PIGL: variants seen among roughly 807,000 people sequenced by gnomAD.
PIGL encodes the protein phosphatidylinositol glycan anchor biosynthesis class L.
Under a neutral mutation model 31.1 loss-of-function variants are expected in PIGL, and 22 were observed. The ratio of observed to expected loss-of-function variants is 0.71; its 90% CI spans 0.51 to 1.01. PIGL has a LOEUF of 1.01. Ranked by LOEUF, PIGL falls within the 50% of genes least tolerant of loss-of-function variation. PIGL has a pLI of 0.00. For synonymous variants in PIGL, 131 were observed against 117.4 expected (o/e 1.12, Z -0.75); for missense variants, 302 against 315.9 (o/e 0.96, Z 0.33).
intron 2 of PIGL, among the ~76,000 whole-genome samples, chr17:16,272,605 G>A (rs148206441): frequency 1.5e-4 from 23 of 152,144 alleles, no homozygotes; most frequent in African/African-American, 2.2e-4. Flanking sequence ...CTGGCTCATC[G>A]TCCTACTACT....
At chr17:16,269,438 A>G (rs12150564) in intron 2 of PIGL, among the ~76,000 whole-genome samples, 60,041 of 152,036 alleles carry the variant, frequency 0.39, 13,175 homozygotes, top group Middle Eastern at 0.51. Flanking sequence ...ATCTGCAGTC[A>G]GGAGTTCGAG....
intron 3 of PIGL, among the ~76,000 whole-genome samples, chr17:16,302,427 A>G (rs1328506805): frequency 4.6e-5 from 7 of 152,050 alleles, no homozygotes; most frequent in Non-Finnish European, 1.0e-4. Flanking sequence ...CGATATGTAG[A>G]CAGAGCTGAG....
chr17:16,280,330 G>A (rs1234274261), intron 2 of PIGL, among the ~76,000 whole-genome samples: 2 of 152,176 alleles, frequency 1.3e-5, no homozygotes, highest in Admixed American at 1.3e-4. Context: ...TGATTGCCTG[G>A]AGAATGCCAG....
intron 2 of PIGL, among the ~76,000 whole-genome samples, chr17:16,243,859 T>C (rs952164522): frequency 9.9e-5 from 15 of 152,196 alleles, no homozygotes; most frequent in African/African-American, 3.4e-4. Flanking sequence ...AAAGAGTAAT[T>C]CACGCAGAGC....
chr17:16,275,071 G>T (rs2092889139), intron 2 of PIGL, among the ~76,000 whole-genome samples: 1 of 151,726 alleles, frequency 6.6e-6, no homozygotes, highest in South Asian at 2.1e-4. Context: ...AAGGAATAAA[G>T]AATGGCTGTT....
intron 2 of PIGL, among the ~76,000 whole-genome samples, chr17:16,237,020 C>T (rs947964879): frequency 1.3e-5 from 2 of 151,760 alleles, no homozygotes; most frequent in African/African-American, 4.8e-5. Context: ...TCACTGTAGC[C>T]TTGAACTCCT....
chr17:16,285,912 C>T lies in PIGL; in HGVS notation c.336-13976C>T, dbSNP rs2092935463. Among the ~76,000 whole-genome samples, 3 of 152,222 alleles carry T rather than the reference C, an allele frequency of 2.0e-5. No individual in the cohort carries two copies. In the South Asian group the frequency reaches 6.2e-4, roughly 31 times the overall value. On this transcript the variant is annotated intron_variant, in intron 2 of 6. Coordinates refer to ENST00000225609, the MANE Select transcript of PIGL (RefSeq NM_004278.4). ...AGCTTAGACTTCATTTCTTCACACT[C>T]CTGTATTTGGAGCAGCGACGCTAGT...
At chr17:16,221,629 T>G (rs2092629753) in intron 1 of PIGL, among the ~76,000 whole-genome samples, 1 of 151,872 alleles carries the variant, frequency 6.6e-6, no homozygotes, top group South Asian at 2.1e-4. Context: ...TTTGTTTTTG[T>G]TTTTGTTTTG....
At chr17:16,280,113 G>A (rs2092910494) in intron 2 of PIGL, among the ~76,000 whole-genome samples, 1 of 152,226 alleles carries the variant, frequency 6.6e-6, no homozygotes, top group Non-Finnish European at 1.5e-5. Context: ...AGAGCTTGAT[G>A]TACACACAGA....
chr17:16,259,707 T>C (rs1206149358), intron 2 of PIGL, among the ~76,000 whole-genome samples: 2 of 152,212 alleles, frequency 1.3e-5, no homozygotes, highest in Non-Finnish European at 2.9e-5. Context: ...GAGTGGTGGC[T>C]ACTGCCATGA....
chr17:16,273,536 G>A (rs896885845), intron 2 of PIGL, among the ~76,000 whole-genome samples: 9 of 152,142 alleles, frequency 5.9e-5, no homozygotes, highest in African/African-American at 2.2e-4. Context: ...CTTGGGAAGG[G>A]GGCTCCAGAC....
chr17:16,314,878 G>A (rs1040531193), intron 4 of PIGL, among the ~76,000 whole-genome samples: 1 of 152,150 alleles, frequency 6.6e-6, no homozygotes, highest in Non-Finnish European at 1.5e-5. Flanking sequence ...GACTAGCATG[G>A]ACAGCAAGCC....
In PIGL at chr17:16,326,049, C is replaced by T; in HGVS notation, c.*151C>T. 1 of 594,556 alleles carries T rather than the reference C, an allele frequency of 1.7e-6. No individual in the cohort carries two copies. 36.8% of individuals were successfully genotyped at this position (594,556 alleles called of 1,614,324 possible). On this transcript the variant is annotated 3_prime_UTR_variant, in exon 7 of 7. Transcript: ENST00000225609. ...AAAGGGAGCCCATGTAGGCCAGGGG[C>T]TGTCCAAACTCCAGCTTCTTCCCCT... is the stretch of plus-strand genomic sequence containing the variant.
rs547410744 is a variant in PIGL, at chr17:16,245,795, C to T, written c.335+11725C>T. On this transcript the variant is annotated intron_variant, in intron 2 of 6. Transcript: ENST00000225609. ...ACACACACACATATATATATATATA[C>T]ACACACACACATATATATATATATA... 2.0e-4 allele frequency among the ~76,000 whole-genome samples: 27 copies of T among 134,284 alleles called. 1 individual carries two copies. The highest frequency in any genetic ancestry group is 1.4e-3 in the Admixed American group (19 of 13,532). The allele number at this position is 134,284 out of a possible 152,430, so 88.1% of individuals were successfully genotyped here. A position where few individuals can be genotyped will look rare whatever the true frequency, so the allele number is the denominator to read the frequency against.
chr17:16,257,957 G>A (rs942475104), intron 2 of PIGL, among the ~76,000 whole-genome samples: 1 of 151,040 alleles, frequency 6.6e-6, no homozygotes, highest in Non-Finnish European at 1.5e-5. Flanking sequence ...CAGCTACTTG[G>A]GAGGTTGAGG....
intron 4 of PIGL, among the ~76,000 whole-genome samples, chr17:16,315,663 G>C (rs1277420357): frequency 6.8e-6 from 1 of 147,290 alleles, no homozygotes; most frequent in Non-Finnish European, 1.5e-5. Context: ...CAGGATCCCA[G>C]AAAGTTTTTT....
Position 16,264,870 on chromosome 17 carries a change from G to A in PIGL, c.335+30800G>A, listed in dbSNP as rs148696604. ...TGGAACTCCTGACCTCAGGTGACCCGCCCTCCTCTGCCTCCCAAAGTGCTG... is the reference window on the plus strand; with the variant it reads ...TGGAACTCCTGACCTCAGGTGACCCACCCTCCTCTGCCTCCCAAAGTGCTG... On this transcript the variant is annotated intron_variant, in intron 2 of 6. Transcript: ENST00000225609. Among the ~76,000 whole-genome samples the A allele has an allele frequency of 5.7e-3, 873 of 151,840 alleles. 13 individuals are homozygous for A. The highest frequency in any genetic ancestry group is 0.019 in the African/African-American group (790 of 41,402).
chr17:16,325,332 C>CAAAAAAA (rs55958956), intron 6 of PIGL, among the ~76,000 whole-genome samples: 2 of 69,278 alleles, frequency 2.9e-5, no homozygotes, highest in Non-Finnish European at 5.4e-5. Context: ...GCAACAGGCT[C>CAAAAAAA]AAAAAAAAAA....
At chr17:16,259,047 T>G (rs746512817) in intron 2 of PIGL, among the ~76,000 whole-genome samples, 1 of 152,226 alleles carries the variant, frequency 6.6e-6, no homozygotes, top group Non-Finnish European at 1.5e-5. Context: ...CAGAGAGCCC[T>G]TGGGACAAGT....
Sources: gnomAD v4.1 joint callset for allele counts (sites outside exome capture counted in the v4.1 genomes callset) on GRCh38, gnomAD v4.1.1 for gene constraint, MANE v1.5 for transcripts, NCBI Gene and HGNC (gene_info 2026-07-23, HGNC 2026-07-21) for gene names.